The following GPC5 variants were observed in gnomAD, a reference collection of about 807,000 sequenced individuals.
GPC5 encodes glypican 5, also known as glypican-5.
GPC5 carries 47 observed loss-of-function variants against 53.9 expected under a neutral mutation model. The ratio of observed to expected loss-of-function variants is 0.87; its 90% CI spans 0.69 to 1.11. GPC5 has a LOEUF of 1.11. Ranked by LOEUF, GPC5 falls within the 50% of genes most tolerant of loss-of-function variation. The pLI, the probability that GPC5 is intolerant of heterozygous loss-of-function variation, is 0.00. For synonymous variants in GPC5, 286 were observed against 263.3 expected, an observed-to-expected ratio of 1.09 and a Z score of -0.84; for missense variants, 748 against 713.1, an observed-to-expected ratio of 1.05 and a Z score of -0.56.
chr13:92,596,147 A>T (rs1883873453), intron 7 of GPC5, among the ~76,000 whole-genome samples: 1 of 152,012 alleles, frequency 6.6e-6, no homozygotes, highest in Non-Finnish European at 1.5e-5. Flanking sequence ...GAGAAAATTT[A>T]AGTGGCAAAC....
chr13:91,670,594 G>A (rs1266544410), intron 2 of GPC5, among the ~76,000 whole-genome samples: 3 of 152,068 alleles, frequency 2.0e-5, no homozygotes, highest in Non-Finnish European at 4.4e-5. Flanking sequence ...AACTGGAAAC[G>A]CTGGTGGCTG....
rs1885857640 is a variant in GPC5 at position 92,648,875 on chromosome 13, C to T, written c.1562-217407C>T. 2.6e-5 allele frequency among the ~76,000 whole-genome samples: 4 copies of T among 152,200 alleles called. 1 individual carries two copies. In the South Asian group the frequency reaches 6.2e-4, roughly 24 times the overall value. On this transcript the variant is annotated intron_variant, in intron 7 of 7. Coordinates refer to ENST00000377067, the MANE Select transcript of GPC5 (RefSeq NM_004466.6). ...CAATTGCTCATTAGACGTAACTTTCCTTTAACAGCATTACATGTGAGCTTC... is the reference window on the plus strand; with the variant it reads ...CAATTGCTCATTAGACGTAACTTTCTTTTAACAGCATTACATGTGAGCTTC...
At chr13:92,166,006 A>C (rs1001902301) in intron 7 of GPC5, among the ~76,000 whole-genome samples, 2 of 152,220 alleles carry the variant, frequency 1.3e-5, no homozygotes, top group Admixed American at 6.5e-5. Flanking sequence ...TTGTGTATAA[A>C]AAACTTCACT....
At chr13:91,516,022 G>C (rs550460453) in intron 2 of GPC5, among the ~76,000 whole-genome samples, 1 of 152,082 alleles carries the variant, frequency 6.6e-6, no homozygotes, top group East Asian at 1.9e-4. Context: ...GGAAAGACTG[G>C]CCCCCCATGA....
At chr13:92,494,318 T>C (rs1456932825) in intron 7 of GPC5, among the ~76,000 whole-genome samples, 1 of 152,160 alleles carries the variant, frequency 6.6e-6, no homozygotes, top group African/African-American at 2.4e-5. Flanking sequence ...CTCGATCTCC[T>C]GACCTCGTGA....
intron 7 of GPC5, among the ~76,000 whole-genome samples, chr13:92,553,080 G>A (rs767744119): frequency 6.6e-6 from 1 of 151,790 alleles, no homozygotes; most frequent in African/African-American, 2.4e-5. Flanking sequence ...TTCCACCCAT[G>A]AGCAACATAA....
intron 6 of GPC5, among the ~76,000 whole-genome samples, chr13:92,131,932 A>T (rs200489254): frequency 2.2e-4 from 4 of 18,522 alleles, no homozygotes; most frequent in Non-Finnish European, 1.2e-3. Context: ...GTATATACCC[A>T]ACAGATATAA....
chr13:92,381,084 A>C (rs2043735209), intron 7 of GPC5, among the ~76,000 whole-genome samples: 1 of 152,168 alleles, frequency 6.6e-6, no homozygotes, highest in South Asian at 2.1e-4. Context: ...GAAATAATTA[A>C]ATATTTTAAT....
intron 3 of GPC5, among the ~76,000 whole-genome samples, chr13:91,717,163 A>G (rs560246357): frequency 1.3e-5 from 2 of 152,370 alleles, no homozygotes; most frequent in South Asian, 4.1e-4. Flanking sequence ...AGAAAAAAAG[A>G]AAAGTAGAGA....
At chr13:91,677,161 G>C (rs560468139) in intron 2 of GPC5, among the ~76,000 whole-genome samples, 34 of 152,300 alleles carry the variant, frequency 2.2e-4, no homozygotes, top group African/African-American at 7.7e-4. Flanking sequence ...AAGCAGAATA[G>C]ATAATTCTTT....
intron 2 of GPC5, among the ~76,000 whole-genome samples, chr13:91,661,443 T>C (rs541171715): frequency 4.6e-5 from 7 of 152,314 alleles, no homozygotes; most frequent in Non-Finnish European, 7.4e-5. Context: ...CCAGCCAGGA[T>C]TGGGGGCAGG....
intron 1 of GPC5, among the ~76,000 whole-genome samples, chr13:91,432,535 A>AT (rs1879578703): frequency 6.6e-6 from 1 of 152,202 alleles, no homozygotes; most frequent in Non-Finnish European, 1.5e-5. Flanking sequence ...GAGGGGCAGT[A>AT]TTAGCTCTTC....
At chr13:92,043,163 G>T (rs370105163) in intron 6 of GPC5, among the ~76,000 whole-genome samples, 1 of 152,098 alleles carries the variant, frequency 6.6e-6, no homozygotes, top group Non-Finnish European at 1.5e-5. Flanking sequence ...TTTAATGAGC[G>T]TTACCAAAAG....
chr13:92,515,986 C>T (rs531643899), intron 7 of GPC5, among the ~76,000 whole-genome samples: 1 of 152,052 alleles, frequency 6.6e-6, no homozygotes, highest in Admixed American at 6.5e-5. Context: ...TAGACTTTTT[C>T]TAGTGTGATA....
At chr13:91,571,860 CGTGT>C (rs751776139) in intron 2 of GPC5, among the ~76,000 whole-genome samples, 1 of 120,412 alleles carries the variant, frequency 8.3e-6, no homozygotes, top group Non-Finnish European at 1.7e-5. Context: ...TACACATATA[CGTGT>C]GTGTATATAT....
Position 92,447,047 on chromosome 13 carries a change from T to C in GPC5, c.1561+302058T>C, listed in dbSNP as rs185467177. On this transcript the variant is annotated intron_variant, in intron 7 of 7. Transcript: ENST00000377067. ...CTGGTTATTAGTCTCTCATCAGATATATAGTTTATAGATATTTTCTCCCAT... is the reference window on the plus strand; with the variant it reads ...CTGGTTATTAGTCTCTCATCAGATACATAGTTTATAGATATTTTCTCCCAT... 14 of 152,264 alleles carry C rather than the reference T, an allele frequency of 9.2e-5. No individual in the cohort carries two copies. In the East Asian group the frequency reaches 2.5e-3, roughly 27 times the overall value. 9.4% of individuals were successfully genotyped at this position (152,264 alleles called of 1,614,324 possible). A position where few individuals can be genotyped will look rare whatever the true frequency, so the allele number is the denominator to read the frequency against.
intron 6 of GPC5, among the ~76,000 whole-genome samples, chr13:92,143,489 AG>A (rs1274546278): frequency 1.3e-5 from 2 of 152,150 alleles, no homozygotes; most frequent in Admixed American, 6.5e-5. Flanking sequence ...ACAGTAGAAA[AG>A]TTTGTCTAAC....
intron 2 of GPC5, among the ~76,000 whole-genome samples, chr13:91,480,443 C>T (rs890174959): frequency 6.6e-6 from 1 of 152,134 alleles, no homozygotes. Flanking sequence ...GTTGAGCTGC[C>T]GTTACTTGAA....
intron 6 of GPC5, among the ~76,000 whole-genome samples, chr13:92,066,218 C>CTT: frequency 6.6e-6 from 1 of 152,040 alleles, no homozygotes; most frequent in South Asian, 2.1e-4. Flanking sequence ...TGCTAAAGGA[C>CTT]AAGGGCTGCC....
Sources: gnomAD v4.1 joint callset for allele counts (sites outside exome capture counted in the v4.1 genomes callset) on GRCh38, gnomAD v4.1.1 for gene constraint, MANE v1.5 for transcripts, NCBI Gene and HGNC (gene_info 2026-07-23, HGNC 2026-07-21) for gene names.